The following RPTOR variants were observed in gnomAD, a reference collection of about 807,000 sequenced individuals.
RPTOR encodes regulatory associated protein of MTOR complex 1.
In RPTOR, 21 loss-of-function variants were observed where a neutral mutation model predicts 169.9. That is an observed-to-expected ratio of 0.12 (90% CI 0.09 to 0.18). RPTOR has a LOEUF of 0.18. RPTOR is among the 10% of genes least tolerant of loss of function. The pLI is 1.00. For synonymous variants in RPTOR, 732 were observed against 753.2 expected (o/e 0.97, Z 0.46); for missense variants, 1,133 against 1,855.9 (o/e 0.61, Z 7.16).
At chr17:80,736,415 G>A (rs1339046602) in intron 5 of RPTOR, among the ~76,000 whole-genome samples, 9 of 152,144 alleles carry the variant, frequency 5.9e-5, no homozygotes, top group Admixed American at 5.9e-4. Context: ...GCCTCCCCAA[G>A]GCTGCAGTGA....
At chr17:80,808,783 C>T (rs1037448627) in intron 7 of RPTOR, among the ~76,000 whole-genome samples, 6 of 152,206 alleles carry the variant, frequency 3.9e-5, no homozygotes, top group Non-Finnish European at 4.4e-5. Flanking sequence ...AAAGTATGTG[C>T]TCTTTTCTGT....
rs542180727 is a variant in RPTOR at position 80,565,910 on chromosome 17, G to A, written c.162+20119G>A. On this transcript the variant is annotated intron_variant, in intron 1 of 33. Coordinates refer to ENST00000306801, the MANE Select transcript of RPTOR (RefSeq NM_020761.3). Reference sequence around the variant, plus strand: ...TGCATCTAGCGCTGGGACAGCTTTGGTGCCCGGTTTCTACACTGCTCTTGC... The same window carrying A: ...TGCATCTAGCGCTGGGACAGCTTTGATGCCCGGTTTCTACACTGCTCTTGC... 2.1e-3 allele frequency among the ~76,000 whole-genome samples: 321 copies of A among 152,332 alleles called. 2 individuals carry two copies. The highest frequency in any genetic ancestry group is 7.5e-3 in the African/African-American group (311 of 41,564).
chr17:80,782,956 G>T (rs1292993681), intron 6 of RPTOR, among the ~76,000 whole-genome samples: 1 of 152,212 alleles, frequency 6.6e-6, no homozygotes, highest in Admixed American at 6.5e-5. Flanking sequence ...CTCCTCCAGG[G>T]CAAGGCACAC....
chr17:80,875,248 G>A (rs1156688018), intron 13 of RPTOR, among the ~76,000 whole-genome samples: 1 of 152,150 alleles, frequency 6.6e-6, no homozygotes, highest in Non-Finnish European at 1.5e-5. Flanking sequence ...TAGAAGGCAG[G>A]GCCTTGGCCA....
At position 80,545,122 on chromosome 17, in the gene RPTOR, C is replaced by G; in HGVS notation, c.-508C>G. ...TGCAGCAGCTCAGACGAGTGCGGGA[C>G]CCGCAGGGCTGAGAGTGGCTGGAGG... On this transcript the variant is annotated 5_prime_UTR_variant, in exon 1 of 34. Coordinates refer to ENST00000306801, the MANE Select transcript of RPTOR (RefSeq NM_020761.3). The G allele has an allele frequency of 4.3e-6, 1 of 233,962 alleles. No homozygotes were observed. Among genetic ancestry groups the G allele is most frequent in the Non-Finnish European group, 8.5e-6 (1 of 118,288 alleles). 14.5% of individuals were successfully genotyped at this position (233,962 alleles called of 1,614,324 possible). A position where few individuals can be genotyped will look rare whatever the true frequency, so the allele number is the denominator to read the frequency against.
In RPTOR at chr17:80,960,372, G is replaced by A. The variant is rs150847071; in HGVS notation, c.3605+167G>A. On this transcript the variant is annotated intron_variant, in intron 30 of 33. Coordinates refer to ENST00000306801, the MANE Select transcript of RPTOR (RefSeq NM_020761.3). This position sits in a 1 kb window ranked among gnomAD's most constrained non-coding sequence, Gnocchi z 4.8. Reference sequence around the variant, plus strand: ...GGCCAGTCCTGGGCTCCCCAAAGCCGCCAGGCCCGTCCCACTGAGGCCCAT... The same window carrying A: ...GGCCAGTCCTGGGCTCCCCAAAGCCACCAGGCCCGTCCCACTGAGGCCCAT... Among the ~76,000 whole-genome samples, 7 of 152,332 alleles carry A rather than the reference G, an allele frequency of 4.6e-5. No homozygotes were observed. Among genetic ancestry groups the A allele is most frequent in the African/African-American group, 1.2e-4 (5 of 41,572 alleles).
intron 21 of RPTOR, among the ~76,000 whole-genome samples, chr17:80,914,488 C>T (rs2143950442): frequency 6.6e-6 from 1 of 152,316 alleles, no homozygotes; most frequent in Non-Finnish European, 1.5e-5. Context: ...CGGCATGGCT[C>T]CTCTGTGCTC....
intron 5 of RPTOR, among the ~76,000 whole-genome samples, chr17:80,736,867 C>T (rs2066437729): frequency 6.6e-6 from 1 of 152,192 alleles, no homozygotes; most frequent in South Asian, 2.1e-4. Context: ...GTCGTCATGG[C>T]ATTTGTGATT....
chr17:80,619,348 C>T (rs906620060), intron 1 of RPTOR, among the ~76,000 whole-genome samples: 1 of 152,168 alleles, frequency 6.6e-6, no homozygotes, highest in Non-Finnish European at 1.5e-5. Flanking sequence ...TGCACGTCAG[C>T]CTGTGAATTT....
In RPTOR at chr17:80,633,104, T is replaced by C. The variant is rs978231466; in HGVS notation, c.265+7311T>C. Among the ~76,000 whole-genome samples the C allele has an allele frequency of 2.0e-5, 3 of 152,230 alleles. No individual in the cohort carries two copies. The South Asian group carries it at 6.2e-4, about 31-fold the overall frequency. On this transcript the variant is annotated intron_variant, in intron 2 of 33. Coordinates refer to ENST00000306801, the MANE Select transcript of RPTOR (RefSeq NM_020761.3). This position sits in a 1 kb window ranked among gnomAD's most constrained non-coding sequence, Gnocchi z 4.1. ...TGAGCTACCACACTAGGCCCATTTT[T>C]CATTTTGAAAAAAAAGTTCCAAAAG...
chr17:80,941,854 C>G (rs2069033743), intron 25 of RPTOR: 2 of 152,288 alleles, frequency 1.3e-5, no homozygotes, highest in Non-Finnish European at 2.9e-5. Flanking sequence ...CTGCTGATCA[C>G]CGAAAACACT....
chr17:80,735,178 A>G (rs942351350), intron 5 of RPTOR, among the ~76,000 whole-genome samples: 2 of 152,150 alleles, frequency 1.3e-5, no homozygotes, highest in African/African-American at 4.8e-5. Flanking sequence ...AGATGATCCA[A>G]TGAGGACCAT....
chr17:80,933,247 AAT>A (rs1175645719), intron 24 of RPTOR, among the ~76,000 whole-genome samples: 4 of 152,236 alleles, frequency 2.6e-5, no homozygotes, highest in Non-Finnish European at 5.9e-5. Flanking sequence ...AATCCATTTT[AAT>A]AGAGTATCAG....
chr17:80,645,283 T>C (rs2065586023), intron 3 of RPTOR, among the ~76,000 whole-genome samples: 1 of 152,152 alleles, frequency 6.6e-6, no homozygotes, highest in South Asian at 2.1e-4. Flanking sequence ...TAACCAACAC[T>C]ATGGGAATTC....
intron 21 of RPTOR, among the ~76,000 whole-genome samples, chr17:80,912,215 G>A (rs1339652153): frequency 6.6e-6 from 1 of 152,150 alleles, no homozygotes; most frequent in African/African-American, 2.4e-5. Flanking sequence ...GTCTCTGCTG[G>A]CAGTTCTCTG....
In RPTOR at chr17:80,844,421, A is replaced by G. The variant is rs551577675; in HGVS notation, c.1213-2052A>G. Among the ~76,000 whole-genome samples the G allele has an allele frequency of 3.3e-5, 5 of 152,320 alleles. No homozygotes were observed. Among genetic ancestry groups the G allele is most frequent in the South Asian group, 4.1e-4 (2 of 4,828 alleles). On this transcript the variant is annotated intron_variant, in intron 10 of 33. Transcript: ENST00000306801. This position sits in a 1 kb window ranked among gnomAD's most constrained non-coding sequence, Gnocchi z 4.7. ...AGAAAGAAGAGGTGTAACTATCTGAATTACCTGACTTCTGTTCACAGACTC... is the reference window on the plus strand; with the variant it reads ...AGAAAGAAGAGGTGTAACTATCTGAGTTACCTGACTTCTGTTCACAGACTC...
chr17:80,922,788 C>A lies in RPTOR; in HGVS notation c.2585C>A (p.Ala862Asp). 1.3e-6 allele frequency: 2 copies of A among 1,587,504 alleles called. No individual in the cohort carries two copies. The highest frequency in any genetic ancestry group is 1.7e-6 in the Non-Finnish European group (2 of 1,171,352). Reference protein sequence around the residue: ...DTSSLTQSAPASPTNKGVHIH... With the variant: ...DTSSLTQSAPDSPTNKGVHIH... ...TCCTCCCTCACGCAGTCGGCCCCCGCCAGCCCCACCAACAAGGGCGTGCAC... is the reference window on the plus strand; with the variant it reads ...TCCTCCCTCACGCAGTCGGCCCCCGACAGCCCCACCAACAAGGGCGTGCAC... The change falls in exon 22 of 34, where the codon GCC (alanine) becomes GAC (aspartate). Residue 862 changes from alanine (A) to aspartate (D), a missense_variant. By Grantham distance (126) the Ala-to-Asp change is moderately radical (BLOSUM62 -2). This residue lies in a region of RPTOR where 123 missense variants were observed against 129.0 expected (regional missense o/e 0.95). Coordinates refer to ENST00000306801, the MANE Select transcript of RPTOR (RefSeq NM_020761.3).
intron 21 of RPTOR, among the ~76,000 whole-genome samples, chr17:80,916,775 G>C: frequency 6.6e-6 from 1 of 152,284 alleles, no homozygotes; most frequent in Non-Finnish European, 1.5e-5. Flanking sequence ...CAAGGCGGGC[G>C]GATCACTTGA....
chr17:80,570,699 G>A (rs900926278), intron 1 of RPTOR, among the ~76,000 whole-genome samples: 1 of 152,106 alleles, frequency 6.6e-6, no homozygotes, highest in African/African-American at 2.4e-5. Flanking sequence ...GACCTCAAGT[G>A]ATCTGCCTGC....
Sources: allele counts gnomAD v4.1 joint callset (sites outside exome capture counted in the v4.1 genomes callset), GRCh38; gene constraint gnomAD v4.1.1; regional missense constraint gnomAD v4.1.1; non-coding constraint Gnocchi (gnomAD v3.1); transcripts MANE v1.5; gene names NCBI Gene and HGNC (gene_info 2026-07-23, HGNC 2026-07-21).